INPP1: variants seen among roughly 807,000 people sequenced by gnomAD.
INPP1 encodes the protein inositol polyphosphate 1-phosphatase.
In INPP1, 18 loss-of-function variants were observed where a neutral mutation model predicts 23.0. That is an observed-to-expected ratio of 0.78 (90% CI 0.54 to 1.16). The LOEUF is 1.16. Ranked by LOEUF, INPP1 falls within the 50% of genes most tolerant of loss-of-function variation. The probability of loss-of-function intolerance (pLI) is 0.00; values close to 1 mark genes in which losing one functional copy is unlikely to be tolerated. For synonymous variants in INPP1, 164 were observed against 176.3 expected, an observed-to-expected ratio of 0.93 and a Z score of 0.55; for missense variants, 448 against 482.1, an observed-to-expected ratio of 0.93 and a Z score of 0.66.
At chr2:190,364,580 T>A (rs1316060084) in intron 4 of INPP1, among the ~76,000 whole-genome samples, 1 of 131,630 alleles carries the variant, frequency 7.6e-6, no homozygotes, top group African/African-American at 2.9e-5. Context: ...GGGTGGCATC[T>A]GAGGTTCTGA....
intron 4 of INPP1, among the ~76,000 whole-genome samples, chr2:190,364,405 G>C (rs993141565): frequency 6.6e-6 from 1 of 151,862 alleles, no homozygotes; most frequent in Non-Finnish European, 1.5e-5. Context: ...AGCCGGGCGT[G>C]GTGGCGGGCG....
chr2:190,349,740 GA>G (rs957439602), intron 2 of INPP1, among the ~76,000 whole-genome samples: 6 of 63,860 alleles, frequency 9.4e-5, no homozygotes, highest in East Asian at 2.6e-4. Flanking sequence ...GAACACAGCA[GA>G]AAAAAAAATA....
intron 5 of INPP1, 56 bp from the exon 6 acceptor site, chr2:190,369,045 AAC>A: frequency 9.3e-7 from 1 of 1,073,350 alleles, no homozygotes. Flanking sequence ...AGTCATATGG[AAC>A]AGAGTCTTCT....
chr2:190,361,056 A>G (rs2067412), intron 3 of INPP1, among the ~76,000 whole-genome samples: 62,534 of 152,046 alleles, frequency 0.41, 14,880 homozygotes, highest in African/African-American at 0.66. Context: ...CCACTATTCT[A>G]AAGTCGTCGT....
chr2:190,367,223 A>G lies in INPP1; in HGVS notation c.466+328A>G, dbSNP rs1397042094. ...GACCAGACTGGTAAGTAAATGAGAGAATGAAGTGAGAGCAGTTATGACCAA... is the reference window on the plus strand; with the variant it reads ...GACCAGACTGGTAAGTAAATGAGAGGATGAAGTGAGAGCAGTTATGACCAA... On this transcript the variant is annotated intron_variant, in intron 5 of 6. Coordinates refer to ENST00000392329, the MANE Select transcript of INPP1 (RefSeq NM_001128928.2). The surrounding 1 kb of genome is among the most constrained non-coding windows in gnomAD (Gnocchi z 4.1). Among the ~76,000 whole-genome samples the G allele has an allele frequency of 6.6e-6, 1 of 152,168 alleles. No individual in the cohort carries two copies. The highest frequency in any genetic ancestry group is 2.4e-5 in the African/African-American group (1 of 41,430).
chr2:190,354,664 T>A lies in INPP1; in HGVS notation c.-64-5375T>A, dbSNP rs1476768771. Among the ~76,000 whole-genome samples the A allele has an allele frequency of 6.6e-6, 1 of 152,100 alleles. No homozygotes were observed. The highest frequency in any genetic ancestry group is 2.4e-5 in the African/African-American group (1 of 41,402). On this transcript the variant is annotated intron_variant, in intron 2 of 6. Coordinates refer to ENST00000392329, the MANE Select transcript of INPP1 (RefSeq NM_001128928.2). This position sits in a 1 kb window ranked among gnomAD's most constrained non-coding sequence, Gnocchi z 4.8. ...CTTGGACTTCCAGTCCCCAGAACTG[T>A]GAGAAAGTGCGATTTTATTGTTAAG...
chr2:190,368,343 C>T lies in INPP1; in HGVS notation c.467-760C>T, dbSNP rs780088413. Among the ~76,000 whole-genome samples, 10 of 152,106 alleles carry T rather than the reference C, an allele frequency of 6.6e-5. No individual in the cohort carries two copies. The highest frequency in any genetic ancestry group is 1.3e-4 in the Non-Finnish European group (9 of 68,022). On this transcript the variant is annotated intron_variant, in intron 5 of 6. Coordinates refer to ENST00000392329, the MANE Select transcript of INPP1 (RefSeq NM_001128928.2). This position sits in a 1 kb window ranked among gnomAD's most constrained non-coding sequence, Gnocchi z 4.3. The stretch of plus-strand genomic sequence containing the variant: ...CTCTGCCTCTGTTTCATAGGAGCTC[C>T]GTTAATTTCTTTTTTTGGTGCCACC...
In INPP1 at chr2:190,370,953, G is replaced by A. The variant is rs768615452; in HGVS notation, c.751G>A (p.Gly251Ser). ...NGSETHTGNT[G>S]SEAAFSPSFS... ...CAGTGAAACACACACTGGAAACACC[G>A]GCTCTGAGGCAGCATTCTCCCCCAG... The change falls in exon 7 of 7, where the codon GGC becomes AGC. Residue 251 changes from glycine (G) to serine (S), a missense_variant. Transcript: ENST00000392329. The A allele has an allele frequency of 3.3e-5, 53 of 1,614,120 alleles. No individual in the cohort carries two copies. Among genetic ancestry groups the A allele is most frequent in the Middle Eastern group, 1.6e-4 (1 of 6,062 alleles).
At position 190,371,428 on chromosome 2, in the gene INPP1, T is replaced by C. The variant is rs764820935; in HGVS notation, c.*26T>C. 1.6e-4 allele frequency: 235 copies of C among 1,489,300 alleles called. 1 individual carries two copies. The East Asian group carries it at 5.0e-3, about 32-fold the overall frequency. 92.3% of individuals were successfully genotyped at this position (1,489,300 alleles called of 1,614,324 possible). A position where few individuals can be genotyped will look rare whatever the true frequency, so the allele number is the denominator to read the frequency against. On this transcript the variant is annotated 3_prime_UTR_variant, in exon 7 of 7. Transcript: ENST00000392329. This position sits in a 1 kb window ranked among gnomAD's most constrained non-coding sequence, Gnocchi z 5.3. ...AGGAACTCTAACCCCGGTGTACCTG[T>C]ATAAACTGAACTGTGAAACTGTTTC...
chr2:190,371,161 C>T lies in INPP1; in HGVS notation c.959C>T (p.Ala320Val). Reference protein sequence around the residue: ...DTTFKWDSCAAHAILRAMGGG... With the variant: ...DTTFKWDSCAVHAILRAMGGG... The stretch of plus-strand genomic sequence containing the variant: ...ACATTCAAATGGGACTCTTGTGCTG[C>T]TCATGCCATACTGAGGGCCATGGGT... The change falls in exon 7 of 7, where the codon GCT becomes GTT. Residue 320 changes from alanine to valine, a missense_variant. Physicochemically the swap from Ala to Val is moderately conservative, Grantham distance 64. Coordinates refer to ENST00000392329, the MANE Select transcript of INPP1 (RefSeq NM_001128928.2). The surrounding 1 kb of genome is among the most constrained non-coding windows in gnomAD (Gnocchi z 5.3). 10 of 1,614,192 alleles carry T rather than the reference C, an allele frequency of 6.2e-6. No individual in the cohort carries two copies. Among genetic ancestry groups the T allele is most frequent in the Non-Finnish European group, 8.5e-6 (10 of 1,180,024 alleles).
At position 190,363,448 on chromosome 2, in the gene INPP1, G is replaced by A. The variant is rs563825379; in HGVS notation, c.265+761G>A. 6.6e-6 allele frequency among the ~76,000 whole-genome samples: 1 copy of A among 152,140 alleles called. No homozygotes were observed. The highest frequency in any genetic ancestry group is 2.1e-4 in the South Asian group (1 of 4,824). ...GGGATTTCACCATGTTGGCCAGGCTGGTCTCAAACTCCTGACCTCAGGTAA... is the reference window on the plus strand; with the variant it reads ...GGGATTTCACCATGTTGGCCAGGCTAGTCTCAAACTCCTGACCTCAGGTAA... On this transcript the variant is annotated intron_variant, in intron 4 of 6. Transcript: ENST00000392329. The surrounding 1 kb of genome is among the most constrained non-coding windows in gnomAD (Gnocchi z 4.4).
intron 4 of INPP1, among the ~76,000 whole-genome samples, chr2:190,365,715 T>A (rs1290773194): frequency 6.6e-6 from 1 of 152,248 alleles, no homozygotes; most frequent in East Asian, 1.9e-4. Flanking sequence ...GCATAGGAAC[T>A]GCTGGGATGG....
At position 190,345,149 on chromosome 2, in the gene INPP1, T is replaced by C. The variant is rs1033337561; in HGVS notation, c.-209+1188T>C. ...TACTTTATTTTTAAGTTTTTATGGATTTTTATACTACTTTTGAAGTCAGCT... is the reference window on the plus strand; with the variant it reads ...TACTTTATTTTTAAGTTTTTATGGACTTTTATACTACTTTTGAAGTCAGCT... On this transcript the variant is annotated intron_variant, in intron 1 of 6. Coordinates refer to ENST00000392329, the MANE Select transcript of INPP1 (RefSeq NM_001128928.2). The surrounding 1 kb of genome is among the most constrained non-coding windows in gnomAD (Gnocchi z 4.9). 2.0e-5 allele frequency among the ~76,000 whole-genome samples: 3 copies of C among 152,258 alleles called. No homozygotes were observed. Among genetic ancestry groups the C allele is most frequent in the Admixed American group, 2.0e-4 (3 of 15,288 alleles).
At chr2:190,347,866 G>A (rs1278863390) in intron 1 of INPP1, among the ~76,000 whole-genome samples, 5 of 152,216 alleles carry the variant, frequency 3.3e-5, no homozygotes, top group Non-Finnish European at 4.4e-5. Flanking sequence ...GGCTGGGCAT[G>A]GTGGCTCACG....
In INPP1 at chr2:190,368,973, A is replaced by C. The variant is rs1689743853; in HGVS notation, c.467-130A>C. On this transcript the variant is annotated intron_variant, in intron 5 of 6. Transcript: ENST00000392329. This position sits in a 1 kb window ranked among gnomAD's most constrained non-coding sequence, Gnocchi z 4.3. ...AGTAAAGTACAAGAGGCCAAATAAC[A>C]ATTCAATACAGTGACATCCAAAGGT... 2.0e-6 allele frequency: 1 copy of C among 490,328 alleles called. No individual in the cohort carries two copies. Among genetic ancestry groups the C allele is most frequent in the Admixed American group, 3.7e-5 (1 of 26,746 alleles). 30.4% of individuals were successfully genotyped at this position (490,328 alleles called of 1,614,324 possible). A position where few individuals can be genotyped will look rare whatever the true frequency, so the allele number is the denominator to read the frequency against.
chr2:190,362,806 T>C, intron 4 of INPP1, 119 bp downstream of exon 4: 1 of 566,216 alleles, frequency 1.8e-6, no homozygotes, highest in East Asian at 3.2e-5. Flanking sequence ...CATAATATAT[T>C]TGAATGTTAA....
intron 4 of INPP1, among the ~76,000 whole-genome samples, chr2:190,364,497 G>A (rs934758453): frequency 1.3e-5 from 2 of 149,506 alleles, no homozygotes; most frequent in Admixed American, 6.7e-5. Flanking sequence ...AGCGGAGATC[G>A]CACCACTGCA....
chr2:190,364,606 T>TTTTTTTTTTTTTTTTTTTTTG (rs796196740), intron 4 of INPP1, among the ~76,000 whole-genome samples: 2 of 96,350 alleles, frequency 2.1e-5, no homozygotes, highest in East Asian at 4.0e-4. Flanking sequence ...TTTTTTTTTT[T>TTTTTTTTTTTTTTTTTTTTTG]GTTAGATGGA....
At chr2:190,366,184 TCTGTCTCTTG>T (rs1314197592) in intron 4 of INPP1, among the ~76,000 whole-genome samples, 4 of 103,870 alleles carry the variant, frequency 3.9e-5, no homozygotes, top group African/African-American at 4.2e-5. Context: ...TCTCTTGCTC[TCTGTCTCTTG>T]CTCTGTCTCG....
Sources: gnomAD v4.1 joint callset for allele counts (sites outside exome capture counted in the v4.1 genomes callset) on GRCh38, gnomAD v4.1.1 for gene constraint, Gnocchi (gnomAD v3.1) non-coding constraint, MANE v1.5 for transcripts, NCBI Gene and HGNC (gene_info 2026-07-23, HGNC 2026-07-21) for gene names.